LAMA2: variants seen among roughly 807,000 people sequenced by gnomAD.
LAMA2 encodes laminin subunit alpha-2.
In LAMA2, 269 loss-of-function variants were observed where a neutral mutation model predicts 364.8. That is an observed-to-expected ratio of 0.74 (90% CI 0.67 to 0.82). The LOEUF is 0.82. LAMA2 is among the 40% of genes least tolerant of loss of function. LAMA2 has a pLI of 0.00. For missense variants in LAMA2, 3,807 were observed against 3,873.2 expected, an observed-to-expected ratio of 0.98 and a Z score of 0.45; for synonymous variants, 1,379 against 1,370.6, an observed-to-expected ratio of 1.01 and a Z score of -0.14.
chr6:128,981,380 C>T (rs1379828519), intron 1 of LAMA2, among the ~76,000 whole-genome samples: 2 of 152,004 alleles, frequency 1.3e-5, no homozygotes, highest in Admixed American at 6.6e-5. Context: ...CAGCATCTCA[C>T]CCTTGCCTGC....
chr6:129,511,645 A>C (rs1786587485), intron 62 of LAMA2, among the ~76,000 whole-genome samples: 1 of 152,110 alleles, frequency 6.6e-6, no homozygotes, highest in Non-Finnish European at 1.5e-5. Context: ...TACTCAGTTC[A>C]GTTGGTGTGG....
At chr6:128,924,437 G>A (rs970690393) in intron 1 of LAMA2, among the ~76,000 whole-genome samples, 36 of 152,164 alleles carry the variant, frequency 2.4e-4, no homozygotes, top group African/African-American at 8.7e-4. Context: ...GGAAGAGGAG[G>A]AGAAATTTTC....
chr6:128,968,358 G>C (rs989136455), intron 1 of LAMA2, among the ~76,000 whole-genome samples: 4 of 152,098 alleles, frequency 2.6e-5, no homozygotes, highest in Non-Finnish European at 5.9e-5. Flanking sequence ...CTAAGCAATG[G>C]GAAAACAGGA....
chr6:129,147,513 G>A (rs1203364142), intron 6 of LAMA2, among the ~76,000 whole-genome samples: 1 of 151,978 alleles, frequency 6.6e-6, no homozygotes, highest in African/African-American at 2.4e-5. Flanking sequence ...GGAGGGGGTG[G>A]AGTGGGTGAG....
intron 1 of LAMA2, among the ~76,000 whole-genome samples, chr6:129,033,436 A>T (rs1786382098): frequency 6.6e-6 from 1 of 152,146 alleles, no homozygotes; most frequent in Admixed American, 6.5e-5. Flanking sequence ...AGCATAGATG[A>T]GTCTCTTCTG....
chr6:129,236,550 T>G (rs1278970372), intron 12 of LAMA2, among the ~76,000 whole-genome samples: 1 of 152,196 alleles, frequency 6.6e-6, no homozygotes, highest in East Asian at 1.9e-4. Context: ...TTCACCTCAT[T>G]CAGATATTCC....
At chr6:129,503,421 A>G (rs1316305506) in intron 60 of LAMA2, 141 bp downstream of exon 60, 15 of 779,366 alleles carry the variant, frequency 1.9e-5, no homozygotes, top group East Asian at 1.6e-4. Context: ...GCCATATACA[A>G]CTACCACAAT....
chr6:129,020,397 C>A (rs1260517555), intron 1 of LAMA2, among the ~76,000 whole-genome samples: 1 of 152,158 alleles, frequency 6.6e-6, no homozygotes, highest in Non-Finnish European at 1.5e-5. Flanking sequence ...ACATTCATTA[C>A]ACGCACATGT....
At chr6:129,433,734 C>T (rs9398903) in intron 41 of LAMA2, among the ~76,000 whole-genome samples, 3 of 151,894 alleles carry the variant, frequency 2.0e-5, no homozygotes, top group South Asian at 2.1e-4. Flanking sequence ...AATATAAAAA[C>T]GAAATAAACT....
chr6:129,226,657 G>A (rs1238936826), intron 12 of LAMA2, among the ~76,000 whole-genome samples: 8 of 151,786 alleles, frequency 5.3e-5, no homozygotes, highest in Non-Finnish European at 8.8e-5. Flanking sequence ...TTGAATATTG[G>A]CCCCCACTCT....
intron 3 of LAMA2, among the ~76,000 whole-genome samples, chr6:129,083,698 A>T (rs896207166): frequency 1.3e-5 from 2 of 152,210 alleles, no homozygotes; most frequent in African/African-American, 4.8e-5. Flanking sequence ...GTTTCAAAGT[A>T]GATGTAGGTT....
intron 1 of LAMA2, among the ~76,000 whole-genome samples, chr6:129,008,542 C>A (rs1206820193): frequency 6.6e-6 from 1 of 151,934 alleles, no homozygotes; most frequent in Non-Finnish European, 1.5e-5. Flanking sequence ...TTTTTGATCC[C>A]GGGTCTACAT....
At chr6:129,479,345 T>C (rs1185501953) in intron 54 of LAMA2, among the ~76,000 whole-genome samples, 1 of 152,212 alleles carries the variant, frequency 6.6e-6, no homozygotes, top group East Asian at 1.9e-4. Flanking sequence ...GACTTGTGTT[T>C]GACATGCCTG....
intron 40 of LAMA2, among the ~76,000 whole-genome samples, chr6:129,420,967 G>T (rs1056362507): frequency 6.6e-6 from 1 of 152,072 alleles, no homozygotes; most frequent in African/African-American, 2.4e-5. Context: ...ATTAGGGAAG[G>T]CATAGTCTTT....
chr6:129,115,618 C>T (rs1035714807), intron 4 of LAMA2, among the ~76,000 whole-genome samples: 2 of 152,016 alleles, frequency 1.3e-5, no homozygotes, highest in South Asian at 4.1e-4. Flanking sequence ...TCTCTCCTAC[C>T]AGCTTTTCCC....
chr6:129,336,508 A>G (rs1487765598), intron 29 of LAMA2, among the ~76,000 whole-genome samples: 1 of 152,198 alleles, frequency 6.6e-6, no homozygotes, highest in Non-Finnish European at 1.5e-5. Flanking sequence ...AAAACAGGTC[A>G]CTGTACAGAG....
At chr6:129,426,592 T>C (rs1781337967) in intron 40 of LAMA2, among the ~76,000 whole-genome samples, 1 of 152,180 alleles carries the variant, frequency 6.6e-6, no homozygotes. Context: ...GGAGAATAAT[T>C]TGCCAAGGTT....
chr6:128,993,804 A>G (rs998228044), intron 1 of LAMA2, among the ~76,000 whole-genome samples: 3 of 152,216 alleles, frequency 2.0e-5, no homozygotes, highest in Non-Finnish European at 4.4e-5. Flanking sequence ...TTTAATTACT[A>G]TAATTAATAT....
intron 22 of LAMA2, among the ~76,000 whole-genome samples, chr6:129,310,060 C>T (rs1024720795): frequency 1.7e-4 from 26 of 151,396 alleles, no homozygotes; most frequent in Middle Eastern, 6.8e-3. Flanking sequence ...CTACCACGCC[C>T]GGCTAATTTT....
Sources: allele counts gnomAD v4.1 joint callset (sites outside exome capture counted in the v4.1 genomes callset), GRCh38; gene constraint gnomAD v4.1.1; transcripts MANE v1.5; gene names NCBI Gene and HGNC (gene_info 2026-07-23, HGNC 2026-07-21).